KIAA1217: variants seen among roughly 807,000 people sequenced by gnomAD.
KIAA1217 encodes the protein sickle tail protein homolog.
In KIAA1217, 88 loss-of-function variants were observed where a neutral mutation model predicts 163.9. The observed-to-expected ratio is 0.54, with a 90% CI of 0.45 to 0.64. The LOEUF (loss-of-function observed/expected upper bound fraction) is 0.64. KIAA1217 is among the 30% of genes least tolerant of loss of function. The probability of loss-of-function intolerance (pLI) is 0.00; values close to 1 mark genes in which losing one functional copy is unlikely to be tolerated. For synonymous variants in KIAA1217, 903 were observed against 923.1 expected (o/e 0.98, Z 0.39); for missense variants, 2,372 against 2,475.0 (o/e 0.96, Z 0.88).
At chr10:24,480,583 A>G (rs1369941018) in intron 6 of KIAA1217, among the ~76,000 whole-genome samples, 1 of 152,198 alleles carries the variant, frequency 6.6e-6, no homozygotes, top group Non-Finnish European at 1.5e-5. Context: ...ACCCCACAGG[A>G]TGCAACAACT....
At chr10:23,697,455 G>A (rs1836118613) in intron 1 of KIAA1217, among the ~76,000 whole-genome samples, 1 of 152,106 alleles carries the variant, frequency 6.6e-6, no homozygotes, top group East Asian at 1.9e-4. Context: ...TACTATTGCA[G>A]TACGGTAGAA....
At chr10:24,373,686 C>A (rs905470030) in intron 2 of KIAA1217, among the ~76,000 whole-genome samples, 1 of 152,076 alleles carries the variant, frequency 6.6e-6, no homozygotes. Context: ...TGAGGAAGAG[C>A]CCTTTTCTGC....
At chr10:24,010,162 C>T (rs1347115118) in intron 2 of KIAA1217, among the ~76,000 whole-genome samples, 1 of 151,640 alleles carries the variant, frequency 6.6e-6, no homozygotes, top group Admixed American at 6.6e-5. Context: ...TTTCAGAAAA[C>T]CTGGACTGTA....
chr10:24,146,298 A>T (rs2064309223), intron 2 of KIAA1217, among the ~76,000 whole-genome samples: 1 of 152,208 alleles, frequency 6.6e-6, no homozygotes, highest in South Asian at 2.1e-4. Context: ...GCCCATTCTA[A>T]GTTTTTAAGT....
chr10:23,935,810 A>G (rs1350009154), intron 1 of KIAA1217, among the ~76,000 whole-genome samples: 1 of 152,198 alleles, frequency 6.6e-6, no homozygotes, highest in Admixed American at 6.5e-5. Flanking sequence ...TTTTGGTGCT[A>G]TGAGTTTCAA....
intron 2 of KIAA1217, among the ~76,000 whole-genome samples, chr10:24,349,279 C>A (rs534299119): frequency 1.3e-5 from 2 of 152,178 alleles, no homozygotes; most frequent in African/African-American, 4.8e-5. Context: ...AAAGAAAAAA[C>A]CATGACTACC....
At chr10:23,913,486 G>A (rs550193481) in intron 1 of KIAA1217, among the ~76,000 whole-genome samples, 100 of 151,674 alleles carry the variant, frequency 6.6e-4, no homozygotes, top group Admixed American at 1.2e-3. Context: ...CCTTATTAAC[G>A]TGCATGGGGG....
In KIAA1217 at chr10:24,484,453, G is replaced by A. The variant is rs547103241; in HGVS notation, c.1680-10047G>A. ...GTAGAGACAAGGTTTCACCATGTTG[G>A]CCAGGCTGGTTTTGAACTCCTGACT... On this transcript the variant is annotated intron_variant, in intron 6 of 20. Coordinates refer to ENST00000376454, the MANE Select transcript of KIAA1217 (RefSeq NM_019590.5). Among the ~76,000 whole-genome samples the A allele has an allele frequency of 4.0e-5, 6 of 151,498 alleles. No individual in the cohort carries two copies. The East Asian group carries it at 7.8e-4, about 20-fold the overall frequency.
intron 17 of KIAA1217, among the ~76,000 whole-genome samples, chr10:24,542,037 G>A (rs554494569): frequency 2.6e-5 from 4 of 152,266 alleles, no homozygotes; most frequent in South Asian, 2.1e-4. Flanking sequence ...TTGGCACTTC[G>A]ACACCTGCAG....
At chr10:23,949,464 C>T (rs1259857360) in intron 1 of KIAA1217, among the ~76,000 whole-genome samples, 5 of 152,040 alleles carry the variant, frequency 3.3e-5, no homozygotes, top group Non-Finnish European at 5.9e-5. Flanking sequence ...GAATTCGTTT[C>T]CCTGACAATG....
chr10:24,533,627 C>T (rs543312057), intron 16 of KIAA1217, among the ~76,000 whole-genome samples: 142 of 152,186 alleles, frequency 9.3e-4, no homozygotes, highest in Non-Finnish European at 1.9e-3. Context: ...CGTTCCTTGG[C>T]TTTACCACTT....
intron 2 of KIAA1217, among the ~76,000 whole-genome samples, chr10:24,108,544 T>G (rs1327147952): frequency 6.6e-6 from 1 of 152,194 alleles, no homozygotes; most frequent in Admixed American, 6.5e-5. Context: ...TGAAGTCAAC[T>G]AAAGATTAGA....
intron 2 of KIAA1217, among the ~76,000 whole-genome samples, chr10:24,293,380 T>C (rs1054043131): frequency 6.6e-6 from 1 of 152,188 alleles, no homozygotes; most frequent in Non-Finnish European, 1.5e-5. Flanking sequence ...TGGGAAGTCT[T>C]TTTTAATGGC....
intron 3 of KIAA1217, among the ~76,000 whole-genome samples, chr10:24,384,738 A>G (rs10828648): frequency 0.52 from 78,506 of 152,082 alleles, 22,845 homozygotes; most frequent in African/African-American, 0.8. Context: ...AGGTTTCACC[A>G]TGTTAGCCAG....
chr10:24,230,135 G>A (rs182368426), intron 2 of KIAA1217, among the ~76,000 whole-genome samples: 7 of 152,104 alleles, frequency 4.6e-5, no homozygotes, highest in Admixed American at 6.5e-5. Flanking sequence ...TTATAATGGT[G>A]GAAAAGACTG....
chr10:24,510,485 T>C (rs768847424), intron 9 of KIAA1217, among the ~76,000 whole-genome samples: 64 of 152,060 alleles, frequency 4.2e-4, no homozygotes, highest in Non-Finnish European at 8.8e-5. Flanking sequence ...TGGTGGCAAA[T>C]CGAATCATAT....
chr10:23,761,593 T>G (rs1233340941), intron 1 of KIAA1217, among the ~76,000 whole-genome samples: 3 of 152,200 alleles, frequency 2.0e-5, no homozygotes. Flanking sequence ...GAGTTCTAAT[T>G]TGATTGCACT....
rs925320901 is a variant in KIAA1217, at chr10:23,695,099, G to T, written c.-456G>T. On this transcript the variant is annotated 5_prime_UTR_variant, in exon 1 of 19. Transcript: ENST00000376462. The surrounding 1 kb of genome is among the most constrained non-coding windows in gnomAD (Gnocchi z 4.9). The stretch of plus-strand genomic sequence containing the variant: ...GGGCCCCCGGCACGCTCGCCCGGGA[G>T]ATACCCCTTCCCCCTCTTGCGCATT... 2.6e-5 allele frequency: 4 copies of T among 152,296 alleles called. No individual in the cohort carries two copies. Among genetic ancestry groups the T allele is most frequent in the Admixed American group, 2.0e-4 (3 of 15,290 alleles). 9.4% of individuals were successfully genotyped at this position (152,296 alleles called of 1,614,324 possible). A position where few individuals can be genotyped will look rare whatever the true frequency, so the allele number is the denominator to read the frequency against.
chr10:24,268,647 G>A (rs1225274749), intron 2 of KIAA1217, among the ~76,000 whole-genome samples: 1 of 82,480 alleles, frequency 1.2e-5, no homozygotes, highest in Non-Finnish European at 2.4e-5. Context: ...GGAAGTCAGC[G>A]TGGAGATTCC....
Sources: gnomAD v4.1 joint callset for allele counts (sites outside exome capture counted in the v4.1 genomes callset) on GRCh38, gnomAD v4.1.1 for gene constraint, Gnocchi (gnomAD v3.1) non-coding constraint, MANE v1.5 for transcripts, NCBI Gene and HGNC (gene_info 2026-07-23, HGNC 2026-07-21) for gene names.